HS3ST5: variants seen among roughly 807,000 people sequenced by gnomAD.
The protein encoded by HS3ST5 is heparan sulfate-glucosamine 3-sulfotransferase 5, also known as heparan sulfate glucosamine 3-O-sulfotransferase 5.
In HS3ST5, 10 loss-of-function variants were observed where a neutral mutation model predicts 25.4. The observed-to-expected ratio is 0.39, with a 90% CI of 0.24 to 0.67. The LOEUF is 0.67. HS3ST5 is among the 30% of genes least tolerant of loss of function. HS3ST5 has a pLI of 0.44. For synonymous variants in HS3ST5, 170 were observed against 162.4 expected (o/e 1.05, Z -0.36); for missense variants, 324 against 420.7 (o/e 0.77, Z 2.01).
At chr6:114,195,600 TGA>T (rs1780701424) in intron 2 of HS3ST5, among the ~76,000 whole-genome samples, 1 of 152,210 alleles carries the variant, frequency 6.6e-6, no homozygotes, top group South Asian at 2.1e-4. Flanking sequence ...TGGCCTATGC[TGA>T]GAGGGGAGAA....
chr6:114,220,428 A>G (rs181690638), intron 2 of HS3ST5, among the ~76,000 whole-genome samples: 18 of 152,006 alleles, frequency 1.2e-4, no homozygotes, highest in African/African-American at 4.3e-4. Context: ...GAGTTATGTA[A>G]TTTTCCCATA....
At chr6:114,078,727 A>G (rs1190311701) in intron 3 of HS3ST5, among the ~76,000 whole-genome samples, 1 of 152,146 alleles carries the variant, frequency 6.6e-6, no homozygotes, top group East Asian at 1.9e-4. Context: ...ATTGACCTTC[A>G]GTGTTTGTGC....
chr6:114,159,716 T>C (rs1348515264), intron 3 of HS3ST5, among the ~76,000 whole-genome samples: 1 of 152,174 alleles, frequency 6.6e-6, no homozygotes, highest in Non-Finnish European at 1.5e-5. Flanking sequence ...GATTTCAATA[T>C]AAATTTGAAA....
At chr6:114,078,194 C>T (rs1461457609) in intron 3 of HS3ST5, among the ~76,000 whole-genome samples, 3 of 151,966 alleles carry the variant, frequency 2.0e-5, no homozygotes, top group African/African-American at 7.3e-5. Context: ...CATAAACATA[C>T]AGTTTTCTTT....
intron 3 of HS3ST5, among the ~76,000 whole-genome samples, chr6:114,065,016 A>C (rs1183931732): frequency 2.6e-5 from 4 of 152,208 alleles, no homozygotes; most frequent in Admixed American, 2.0e-4. Flanking sequence ...AAGAGAGAGC[A>C]AAAACAGGTA....
chr6:114,303,154 C>A (rs1352746979), intron 1 of HS3ST5, among the ~76,000 whole-genome samples: 2 of 152,142 alleles, frequency 1.3e-5, no homozygotes, highest in African/African-American at 4.8e-5. Flanking sequence ...AAGCTTTCAG[C>A]TCTAGCTTTT....
intron 1 of HS3ST5, among the ~76,000 whole-genome samples, chr6:114,253,464 T>C (rs1302567638): frequency 1.3e-5 from 2 of 152,154 alleles, no homozygotes; most frequent in East Asian, 3.9e-4. Flanking sequence ...ATCTTAAGAA[T>C]GCAAATACTA....
intron 3 of HS3ST5, among the ~76,000 whole-genome samples, chr6:114,145,075 G>C (rs1778088122): frequency 6.6e-6 from 1 of 152,080 alleles, no homozygotes; most frequent in Non-Finnish European, 1.5e-5. Context: ...GTTGATTTTT[G>C]CTGCTGACCT....
At chr6:114,062,594 A>G in intron 4 of HS3ST5, 145 bp downstream of exon 4, 1 of 611,390 alleles carries the variant, frequency 1.6e-6, no homozygotes, top group South Asian at 2.1e-5. Context: ...AGGCTCAGTA[A>G]ATCAAAATCA....
chr6:114,312,998 T>C (rs1425932359), intron 1 of HS3ST5, among the ~76,000 whole-genome samples: 1 of 114,052 alleles, frequency 8.8e-6, no homozygotes, highest in African/African-American at 3.4e-5. Context: ...CACTCCAGCT[T>C]GGGTGAGAGA....
At chr6:114,201,212 C>T (rs572399926) in intron 2 of HS3ST5, among the ~76,000 whole-genome samples, 1 of 152,300 alleles carries the variant, frequency 6.6e-6, no homozygotes, top group South Asian at 2.1e-4. Context: ...CTCTATTTCA[C>T]TTGACGGCAA....
chr6:114,074,170 G>A (rs1324804636), intron 3 of HS3ST5, among the ~76,000 whole-genome samples: 7 of 152,054 alleles, frequency 4.6e-5, no homozygotes, highest in African/African-American at 1.7e-4. Context: ...GGGAGGGATA[G>A]CATTAGGAGA....
At chr6:114,139,473 C>G (rs1777797336) in intron 3 of HS3ST5, among the ~76,000 whole-genome samples, 1 of 151,736 alleles carries the variant, frequency 6.6e-6, no homozygotes, top group South Asian at 2.1e-4. Flanking sequence ...CATGAGTAGA[C>G]CCATTTATCT....
At position 114,267,298 on chromosome 6, in the gene HS3ST5, C is replaced by T. The variant is rs192243936; in HGVS notation, c.-338-38520G>A. Among the ~76,000 whole-genome samples, 151 of 152,210 alleles carry T rather than the reference C, an allele frequency of 9.9e-4. 2 individuals are homozygous for T. Among genetic ancestry groups the T allele is most frequent in the African/African-American group, 3.2e-3 (133 of 41,528 alleles). On this transcript the variant is annotated intron_variant, in intron 1 of 4. Transcript: ENST00000312719. ...AAAGGGGATCAATTTCCACTGAAGC[C>T]GGAATCTGTTAGATGAAAATCTTCA...
chr6:114,309,760 T>C (rs972107298), intron 1 of HS3ST5, among the ~76,000 whole-genome samples: 9 of 152,126 alleles, frequency 5.9e-5, no homozygotes, highest in African/African-American at 2.2e-4. Flanking sequence ...AAAGAAAACA[T>C]TAAATATCCT....
chr6:114,089,036 A>T (rs1401841185), intron 3 of HS3ST5: 2 of 152,242 alleles, frequency 1.3e-5, no homozygotes, highest in Non-Finnish European at 2.9e-5. Flanking sequence ...ACAGGACCTG[A>T]TACTTAAGAG....
chr6:114,267,821 G>A (rs778459309), intron 1 of HS3ST5, among the ~76,000 whole-genome samples: 9 of 152,006 alleles, frequency 5.9e-5, no homozygotes, highest in Non-Finnish European at 1.2e-4. Flanking sequence ...CTCGAATTCC[G>A]GGTCACTAGT....
Position 114,073,081 on chromosome 6 carries a change from G to C in HS3ST5, c.-32-10204C>G, listed in dbSNP as rs573703647. On this transcript the variant is annotated intron_variant, in intron 3 of 4. Coordinates refer to ENST00000312719, the MANE Select transcript of HS3ST5 (RefSeq NM_153612.4). ...TTTAATAAATGGTGCTGGGAAAACT[G>C]GCTAGCCATATGTAGAAAGCTGAAA... Among the ~76,000 whole-genome samples, 6 of 152,276 alleles carry C rather than the reference G, an allele frequency of 3.9e-5. No homozygotes were observed. In the East Asian group the frequency reaches 1.2e-3, roughly 29 times the overall value.
At chr6:114,320,916 A>C (rs1359030) in intron 1 of HS3ST5, among the ~76,000 whole-genome samples, 21,922 of 97,258 alleles carry the variant, frequency 0.23, 1,878 homozygotes, top group East Asian at 0.49. Flanking sequence ...CTCTCTCTCT[A>C]TATATATATA....
Sources: gnomAD v4.1 joint callset for allele counts (sites outside exome capture counted in the v4.1 genomes callset) on GRCh38, gnomAD v4.1.1 for gene constraint, MANE v1.5 for transcripts, NCBI Gene and HGNC (gene_info 2026-07-23, HGNC 2026-07-21) for gene names.